CADPS: variants seen among roughly 807,000 people sequenced by gnomAD.
The protein encoded by CADPS is calcium-dependent secretion activator 1.
Under a neutral mutation model 167.3 loss-of-function variants are expected in CADPS, and 57 were observed. That is an observed-to-expected ratio of 0.34 (90% confidence interval 0.28 to 0.42). The LOEUF (loss-of-function observed/expected upper bound fraction) is 0.42, where lower values mean the gene tolerates loss of function less well. Among genes scored for constraint, CADPS ranks in the 20% least tolerant of loss-of-function variants. The pLI is 1.00. For missense variants in CADPS, 1,414 were observed against 1,738.1 expected (o/e 0.81, Z 3.32); for synonymous variants, 676 against 635.3 (o/e 1.06, Z -0.96).
At chr3:62,639,513 C>T (rs960756129) in intron 6 of CADPS, among the ~76,000 whole-genome samples, 2 of 152,138 alleles carry the variant, frequency 1.3e-5, no homozygotes, top group Non-Finnish European at 2.9e-5. Context: ...CCAATCAACT[C>T]TCCTCCATGG....
At chr3:62,734,582 T>C (rs1335421322) in intron 3 of CADPS, among the ~76,000 whole-genome samples, 1 of 152,188 alleles carries the variant, frequency 6.6e-6, no homozygotes, top group Non-Finnish European at 1.5e-5. Context: ...GTTTGGACAT[T>C]TACTCTCAAT....
intron 7 of CADPS, among the ~76,000 whole-genome samples, chr3:62,589,543 G>C (rs974723880): frequency 6.6e-6 from 1 of 152,210 alleles, no homozygotes; most frequent in Admixed American, 6.5e-5. Context: ...CTGGAGATGA[G>C]GCAACATGAT....
chr3:62,825,179 G>A (rs1451680906), intron 1 of CADPS, among the ~76,000 whole-genome samples: 1 of 152,134 alleles, frequency 6.6e-6, no homozygotes, highest in African/African-American at 2.4e-5. Flanking sequence ...TAGAAAGTCA[G>A]AGAACTCAGT....
At chr3:62,511,813 G>A (rs142354021) in intron 17 of CADPS, among the ~76,000 whole-genome samples, 6 of 152,176 alleles carry the variant, frequency 3.9e-5, no homozygotes, top group Admixed American at 1.3e-4. Context: ...GCTAATAGCC[G>A]TTTCCCTCTT....
intron 28 of CADPS, among the ~76,000 whole-genome samples, chr3:62,423,056 C>A (rs916155510): frequency 2.0e-5 from 3 of 152,144 alleles, no homozygotes; most frequent in Non-Finnish European, 4.4e-5. Context: ...AAAGCTGAGA[C>A]CTACCCCTTA....
intron 1 of CADPS, among the ~76,000 whole-genome samples, chr3:62,853,444 G>A (rs1016377643): frequency 7.2e-5 from 11 of 151,760 alleles, no homozygotes; most frequent in Middle Eastern, 3.4e-3. Flanking sequence ...GGCCAACATG[G>A]TGAAACCCCT....
At chr3:62,563,161 G>GATATCTGATAACCAGAAT (rs1348437120) in intron 9 of CADPS, among the ~76,000 whole-genome samples, 2 of 152,142 alleles carry the variant, frequency 1.3e-5, no homozygotes, top group African/African-American at 4.8e-5. Context: ...TGTTTGGGTT[G>GATATCTGATAACCAGAAT]ATATCTGATA....
chr3:62,731,391 A>G (rs1326756179), intron 3 of CADPS, among the ~76,000 whole-genome samples: 4 of 152,150 alleles, frequency 2.6e-5, no homozygotes, highest in African/African-American at 9.7e-5. Flanking sequence ...AGAAGTCTGG[A>G]GAAGGCAAGG....
intron 13 of CADPS, chr3:62,530,742 G>T (rs1221535993): frequency 7.8e-7 from 1 of 1,288,572 alleles, no homozygotes; most frequent in Non-Finnish European, 1.0e-6. Flanking sequence ...GGTTCAGGTG[G>T]GGAGGGAGTT....
rs2068630591 is a variant in CADPS at position 62,514,931 on chromosome 3, G to T, written c.2581+1128C>A. On this transcript the variant is annotated intron_variant, in intron 16 of 29. Coordinates refer to ENST00000383710, the MANE Select transcript of CADPS (RefSeq NM_003716.4). The surrounding 1 kb of genome is among the most constrained non-coding windows in gnomAD (Gnocchi z 4.2). ...AAGAGTTGATAAACATCCTTTTGGTGCCCAATTCTTAAGTGTTTCTCCCTG... is the reference window on the plus strand; with the variant it reads ...AAGAGTTGATAAACATCCTTTTGGTTCCCAATTCTTAAGTGTTTCTCCCTG... 6.6e-6 allele frequency among the ~76,000 whole-genome samples: 1 copy of T among 152,030 alleles called. No individual in the cohort carries two copies. The highest frequency in any genetic ancestry group is 2.4e-5 in the African/African-American group (1 of 41,406).
chr3:62,440,710 A>G (rs1163297564), intron 27 of CADPS: 1 of 152,166 alleles, frequency 6.6e-6, no homozygotes, highest in African/African-American at 2.4e-5. Context: ...CCCTTGATGG[A>G]GCAGAAATAG....
chr3:62,472,179 G>A (rs2060708431), intron 24 of CADPS, among the ~76,000 whole-genome samples: 1 of 152,148 alleles, frequency 6.6e-6, no homozygotes, highest in Non-Finnish European at 1.5e-5. Flanking sequence ...AAGTATTTTG[G>A]TGATTACCTA....
intron 6 of CADPS, among the ~76,000 whole-genome samples, chr3:62,624,790 G>A (rs2063754617): frequency 6.6e-6 from 1 of 152,074 alleles, no homozygotes; most frequent in Non-Finnish European, 1.5e-5. Context: ...GAGGTGGGGT[G>A]TGTAGATCAG....
At chr3:62,742,334 A>C (rs1204681650) in intron 3 of CADPS, among the ~76,000 whole-genome samples, 2 of 152,196 alleles carry the variant, frequency 1.3e-5, no homozygotes, top group African/African-American at 4.8e-5. Flanking sequence ...CCTACCAAAA[A>C]AAGAACAAAG....
intron 1 of CADPS, among the ~76,000 whole-genome samples, chr3:62,816,347 C>G (rs1445723646): frequency 6.6e-6 from 1 of 152,080 alleles, no homozygotes; most frequent in Non-Finnish European, 1.5e-5. Flanking sequence ...CTCACCACCC[C>G]CACTGATCCT....
intron 8 of CADPS, among the ~76,000 whole-genome samples, chr3:62,577,504 C>G (rs559544494): frequency 1.3e-5 from 2 of 152,172 alleles, no homozygotes; most frequent in East Asian, 3.9e-4. Context: ...AGCAGGGAGA[C>G]TCCAGGTACC....
chr3:62,585,168 G>C lies in CADPS; in HGVS notation c.1577+17C>G, dbSNP rs1025439366. Reference sequence around the variant, plus strand: ...AGACGTGTGTCCAAAACTGCTAGTTGGGGAAGAAACACTTACCCAGAATGC... The same window carrying C: ...AGACGTGTGTCCAAAACTGCTAGTTCGGGAAGAAACACTTACCCAGAATGC... On this transcript the variant is annotated intron_variant, in intron 8 of 29. Coordinates refer to ENST00000383710, the MANE Select transcript of CADPS (RefSeq NM_003716.4). 1 of 1,611,536 alleles carries C rather than the reference G, an allele frequency of 6.2e-7. No individual in the cohort carries two copies.
At chr3:62,418,318 T>TTC (rs1382603871) in intron 28 of CADPS, among the ~76,000 whole-genome samples, 2 of 148,416 alleles carry the variant, frequency 1.3e-5, no homozygotes, top group Admixed American at 6.7e-5. Flanking sequence ...CTTTTCTTTT[T>TTC]TCTCTCTTTT....
intron 20 of CADPS, among the ~76,000 whole-genome samples, chr3:62,491,738 C>T (rs963810789): frequency 6.6e-6 from 1 of 152,146 alleles, no homozygotes; most frequent in African/African-American, 2.4e-5. Flanking sequence ...GATCATGCTA[C>T]TTTAAGAAAC....
Sources: gnomAD v4.1 joint callset for allele counts (sites outside exome capture counted in the v4.1 genomes callset) on GRCh38, gnomAD v4.1.1 for gene constraint, Gnocchi (gnomAD v3.1) non-coding constraint, MANE v1.5 for transcripts, NCBI Gene and HGNC (gene_info 2026-07-23, HGNC 2026-07-21) for gene names.